Variants in ORC6 observed in about 807,000 individuals in gnomAD.
ORC6 encodes origin recognition complex subunit 6.
ORC6 carries 31 observed loss-of-function variants against 30.0 expected under a neutral mutation model. That is an observed-to-expected ratio of 1.03 (90% CI 0.78 to 1.40). ORC6 has a LOEUF of 1.40. Among genes scored for constraint, ORC6 ranks in the 40% most tolerant of loss-of-function variants. The pLI is 0.00. For synonymous variants in ORC6, 136 were observed against 111.2 expected, an observed-to-expected ratio of 1.22 and a Z score of -1.40; for missense variants, 340 against 304.3, an observed-to-expected ratio of 1.12 and a Z score of -0.87.
Position 46,693,803 on chromosome 16 carries a change from TCTC to T in ORC6, c.449+622_449+624del, listed in dbSNP as rs1347016643. The T allele has an allele frequency of 3.7e-5, 5 of 134,258 alleles. No homozygotes were observed. In the South Asian group the frequency reaches 9.0e-4, roughly 24 times the overall value. 8.3% of individuals were successfully genotyped at this position (134,258 alleles called of 1,614,324 possible). On this transcript the variant is annotated intron_variant, in intron 4 of 6. Coordinates refer to ENST00000219097, the MANE Select transcript of ORC6 (RefSeq NM_014321.4). ...CAGCCTAGGCAACACAGCAACACTGTCTCTTTTTTTTTTTTTTTTTTTTTTACA... is the reference window on the plus strand; with the variant it reads ...CAGCCTAGGCAACACAGCAACACTGTTTTTTTTTTTTTTTTTTTTTTTACA...
Position 46,689,712 on chromosome 16 carries a change from T to C in ORC6, c.7T>C (p.Ser3Pro). 6.2e-7 allele frequency: 1 copy of C among 1,600,984 alleles called. No homozygotes were observed. Among genetic ancestry groups the C allele is most frequent in the African/African-American group, 1.3e-5 (1 of 74,826 alleles). ...TCGCTTTAGTGCCGGCGCCATGGGG[T>C]CGGAGCTGATCGGGCGCCTAGCCCC... MG[S>P]ELIGRLAPRL... The change falls in exon 1 of 7, where the codon TCG (serine) becomes CCG (proline). Residue 3 changes from serine to proline, a missense_variant. By Grantham distance (74) the Ser-to-Pro change is moderately conservative. Transcript: ENST00000219097.
In ORC6 at chr16:46,689,681, A is replaced by C; in HGVS notation, c.-25A>C. 6.3e-7 allele frequency: 1 copy of C among 1,593,768 alleles called. No homozygotes were observed. The highest frequency in any genetic ancestry group is 1.7e-4 in the Middle Eastern group (1 of 6,032). On this transcript the variant is annotated 5_prime_UTR_variant, in exon 1 of 7. Transcript: ENST00000219097. ...TTCGTTGACCCGCGGCGTTCACGGG[A>C]ATTGTTCGCTTTAGTGCCGGCGCCA... is the stretch of plus-strand genomic sequence containing the variant.
intron 2 of ORC6, among the ~76,000 whole-genome samples, chr16:46,691,978 T>TCTCTCTCTCTCTCTCA (rs1966448947): frequency 6.7e-6 from 1 of 148,268 alleles, no homozygotes; most frequent in African/African-American, 2.5e-5. Context: ...TCTCTCTCTC[T>TCTCTCTCTCTCTCTCA]CTCACCACCC....
rs1555468046 is a variant in ORC6, at chr16:46,698,167, A to AGATACATAGATAGATG, written c.*586_*587insCATAGATAGATGGATA. The AGATACATAGATAGATG allele has an allele frequency of 2.5e-6, 1 of 402,370 alleles. No homozygotes were observed. The highest frequency in any genetic ancestry group is 5.1e-6 in the Non-Finnish European group (1 of 196,872). 24.9% of individuals were successfully genotyped at this position (402,370 alleles called of 1,614,324 possible). A position where few individuals can be genotyped will look rare whatever the true frequency, so the allele number is the denominator to read the frequency against. Reference sequence around the variant, plus strand: ...GGGTGACAGAGCGAGACTTATAGATAGATAGATAGATAGATGGATAGATAG... The same window carrying AGATACATAGATAGATG: ...GGGTGACAGAGCGAGACTTATAGATAGATACATAGATAGATGGATAGATAGATAGATGGATAGATAG... On this transcript the variant is annotated 3_prime_UTR_variant, in exon 7 of 7. Transcript: ENST00000219097.
At position 46,692,325 on chromosome 16, in the gene ORC6, A is replaced by C; in HGVS notation, c.196-57A>C. On this transcript the variant is annotated intron_variant, in intron 2 of 6. Transcript: ENST00000219097. ...GCTTATTAAACAAGTGTTTAAGGGTACTAATATATAGAACTTAAGGTTTTT... is the reference window on the plus strand; with the variant it reads ...GCTTATTAAACAAGTGTTTAAGGGTCCTAATATATAGAACTTAAGGTTTTT... 2.9e-6 allele frequency: 4 copies of C among 1,383,478 alleles called. No homozygotes were observed. The South Asian group carries it at 4.7e-5, about 16-fold the overall frequency. 85.7% of individuals were successfully genotyped at this position (1,383,478 alleles called of 1,614,324 possible).
At chr16:46,694,683 T>C (rs1318101258) in intron 4 of ORC6, among the ~76,000 whole-genome samples, 2 of 150,044 alleles carry the variant, frequency 1.3e-5, no homozygotes, top group Non-Finnish European at 3.0e-5. Flanking sequence ...AACAAAACAC[T>C]GGCTACAACT....
intron 4 of ORC6, 125 bp from the exon 5 acceptor site, chr16:46,695,437 A>G (rs893412704): frequency 7.3e-6 from 5 of 684,062 alleles, no homozygotes; most frequent in Non-Finnish European, 1.3e-5. Flanking sequence ...GTTTGGAATG[A>G]AGGAAAAAAA....
intron 6 of ORC6, among the ~76,000 whole-genome samples, chr16:46,697,055 G>A (rs555573043): frequency 1.3e-5 from 2 of 152,264 alleles, no homozygotes; most frequent in South Asian, 4.1e-4. Context: ...GTGTAGTAGG[G>A]GTTAAATGAA....
chr16:46,693,109 C>A lies in ORC6; in HGVS notation c.376C>A (p.Pro126Thr). The A allele has an allele frequency of 6.2e-7, 1 of 1,609,888 alleles. No homozygotes were observed. The highest frequency in any genetic ancestry group is 1.7e-4 in the Middle Eastern group (1 of 6,050). ...KILKSYESSL[P>T]QTQQVDLDLS... ...CTCCTTTAGCTATGAGTCCAGTCTT[C>A]CCCAGACACAGCAAGTGGATCTTGA... The change falls in exon 4 of 7, where the codon CCC (proline) becomes ACC (threonine). Residue 126 changes from proline to threonine, a missense_variant. Coordinates refer to ENST00000219097, the MANE Select transcript of ORC6 (RefSeq NM_014321.4).
chr16:46,691,489 C>G (rs1282785468), intron 2 of ORC6, among the ~76,000 whole-genome samples: 1 of 152,224 alleles, frequency 6.6e-6, no homozygotes, highest in African/African-American at 2.4e-5. Context: ...GAGATCAAAT[C>G]TCCACACTAG....
chr16:46,692,461 T>C lies in ORC6; in HGVS notation c.275T>C (p.Leu92Pro), dbSNP rs1288023951. ...CLKSFECLLGLNSNIGIRDLA... is the reference protein window; with the variant it reads ...CLKSFECLLGPNSNIGIRDLA... ...AAATCTTTTGAGTGTTTACTGGGCCTGAATTCAAATATTGGAATAAGAGAC... is the reference window on the plus strand; with the variant it reads ...AAATCTTTTGAGTGTTTACTGGGCCCGAATTCAAATATTGGAATAAGAGAC... Residue 92 changes from leucine to proline, a missense_variant, in exon 3 of 7, where the codon CTG becomes CCG. Leu to Pro is a moderately conservative substitution (Grantham distance 98). Coordinates refer to ENST00000219097, the MANE Select transcript of ORC6 (RefSeq NM_014321.4). 9.9e-6 allele frequency: 16 copies of C among 1,613,252 alleles called. No individual in the cohort carries two copies. The highest frequency in any genetic ancestry group is 5.0e-5 in the Admixed American group (3 of 60,012).
intron 1 of ORC6, 28 bp from the exon 2 acceptor site, chr16:46,690,963 G>A: frequency 6.2e-7 from 1 of 1,613,856 alleles, no homozygotes; most frequent in East Asian, 2.2e-5. Context: ...TGAATAAGTT[G>A]TAGCGAACAC....
chr16:46,697,428 T>C (rs376197231), intron 6 of ORC6, 30 bp from the exon 7 acceptor site: 46 of 1,595,708 alleles, frequency 2.9e-5, no homozygotes, highest in Non-Finnish European at 3.9e-5. Context: ...GCTAAGAATT[T>C]TGAAATTGCT....
rs746948898 is a variant in ORC6, at chr16:46,692,517, G to A, written c.331G>A (p.Val111Met). 3 of 1,613,774 alleles carry A rather than the reference G, an allele frequency of 1.9e-6. No individual in the cohort carries two copies. Among genetic ancestry groups the A allele is most frequent in the African/African-American group, 1.3e-5 (1 of 75,048 alleles). Residue 111 changes from valine (V) to methionine (M), a missense_variant, in exon 3 of 7, where the codon GTG (valine) becomes ATG (methionine). By Grantham distance (21) the Val-to-Met change is conservative. Transcript: ENST00000219097. ...LAVQFSCIEA[V>M]NMASKILKSY... ...TGTACAGTTTAGCTGTATAGAAGCA[G>A]TGAACATGGCTTCAAAGATACTAAA...
chr16:46,692,543 A>G lies in ORC6; in HGVS notation c.357A>G (p.Lys119=). The G allele has an allele frequency of 6.2e-7, 1 of 1,612,656 alleles. No homozygotes were observed. Among genetic ancestry groups the G allele is most frequent in the Non-Finnish European group, 8.5e-7 (1 of 1,178,852 alleles). Residue 119 remains lysine, a splice_region_variant and synonymous_variant, in exon 3 of 7, where the codon AAA becomes AAG. Transcript: ENST00000219097. ...EAVNMASKIL[K]SYESSLPQTQ... ...TGAACATGGCTTCAAAGATACTAAA[A>G]AGGTATGGGGCATAGAGAACCTTAA...
intron 6 of ORC6, 115 bp from the exon 7 acceptor site, chr16:46,697,343 C>G (rs1014248275): frequency 8.2e-6 from 8 of 978,412 alleles, no homozygotes; most frequent in Non-Finnish European, 1.2e-5. Flanking sequence ...ACTGCTGTTT[C>G]TCCATGTCAT....
At chr16:46,691,998 C>A (rs1467823465) in intron 2 of ORC6, among the ~76,000 whole-genome samples, 2 of 94,594 alleles carry the variant, frequency 2.1e-5, no homozygotes, top group African/African-American at 7.0e-5. Context: ...CCGCCCCCTA[C>A]TCCACTCCCG....
Position 46,697,742 on chromosome 16 carries a change from G to GCCA in ORC6, c.*157_*158insCCA. 2.5e-6 allele frequency: 2 copies of GCCA among 807,550 alleles called. No individual in the cohort carries two copies. Among genetic ancestry groups the GCCA allele is most frequent in the Non-Finnish European group, 4.2e-6 (2 of 476,124 alleles). 50.0% of individuals were successfully genotyped at this position (807,550 alleles called of 1,614,324 possible). A position where few individuals can be genotyped will look rare whatever the true frequency, so the allele number is the denominator to read the frequency against. On this transcript the variant is annotated 3_prime_UTR_variant, in exon 7 of 7. Coordinates refer to ENST00000219097, the MANE Select transcript of ORC6 (RefSeq NM_014321.4). ...GCAGCCTACCTGGAGGCTAAGTCTG[G>GCCA]GCAGTGGGCTGGCCCCTGGTGTGAG...
Position 46,697,953 on chromosome 16 carries a change from AAAAATAC to A in ORC6, c.*373_*379del, listed in dbSNP as rs1387473972. ...AACATGGTGAAACCCCATCTCTACT[AAAAATAC>A]AAAAATTAGCCAGGTGTGATGGTGC... On this transcript the variant is annotated 3_prime_UTR_variant, in exon 7 of 7. Transcript: ENST00000219097. The A allele has an allele frequency of 3.0e-5, 13 of 440,164 alleles. No individual in the cohort carries two copies. Among genetic ancestry groups the A allele is most frequent in the Middle Eastern group, 7.1e-4 (1 of 1,408 alleles). 27.3% of individuals were successfully genotyped at this position (440,164 alleles called of 1,614,324 possible).
Sources: gnomAD v4.1 joint callset for allele counts (sites outside exome capture counted in the v4.1 genomes callset) on GRCh38, gnomAD v4.1.1 for gene constraint, MANE v1.5 for transcripts, NCBI Gene and HGNC (gene_info 2026-07-23, HGNC 2026-07-21) for gene names.